The following SLC6A20 variants were observed in gnomAD, a reference collection of about 807,000 sequenced individuals.
SLC6A20 encodes sodium- and chloride-dependent transporter XTRP3.
Under a neutral mutation model 64.3 loss-of-function variants are expected in SLC6A20, and 73 were observed. The ratio of observed to expected loss-of-function variants is 1.14; its 90% CI spans 0.94 to 1.38. The LOEUF is 1.38. Among genes scored for constraint, SLC6A20 ranks in the 40% most tolerant of loss-of-function variants. The pLI, the probability that SLC6A20 is intolerant of heterozygous loss-of-function variation, is 0.00. For synonymous variants in SLC6A20, 347 were observed against 329.6 expected (o/e 1.05, Z -0.57); for missense variants, 725 against 772.8 (o/e 0.94, Z 0.73).
Position 45,773,637 on chromosome 3 carries a change from GTCTC to G in SLC6A20, c.583-1026_583-1023del, listed in dbSNP as rs1699914986. On this transcript the variant is annotated intron_variant, in intron 4 of 10. Transcript: ENST00000358525. ...GTGTAAGAGTTCCCTTAAAGTTTGA[GTCTC>G]TCTGTGAGAAATATGGCTGGTGGCC... Among the ~76,000 whole-genome samples, 3 of 152,164 alleles carry G rather than the reference GTCTC, an allele frequency of 2.0e-5. No individual in the cohort carries two copies. In the South Asian group the frequency reaches 6.2e-4, roughly 32 times the overall value.
intron 9 of SLC6A20, among the ~76,000 whole-genome samples, chr3:45,761,947 C>G (rs1211102343): frequency 6.6e-6 from 1 of 152,154 alleles, no homozygotes; most frequent in African/African-American, 2.4e-5. Context: ...ATGCCTGCCT[C>G]CCAGAGTGTT....
intron 5 of SLC6A20, 114 bp downstream of exon 5, chr3:45,772,391 G>C: frequency 1.1e-6 from 1 of 916,832 alleles, no homozygotes; most frequent in Non-Finnish European, 1.6e-6. Context: ...GCTCACATCA[G>C]CTTCCGTAGG....
Position 45,758,833 on chromosome 3 carries a change from T to C in SLC6A20, c.*145A>G. On this transcript the variant is annotated 3_prime_UTR_variant, in exon 11 of 11. Coordinates refer to ENST00000358525, the MANE Select transcript of SLC6A20 (RefSeq NM_020208.4). ...GTGCGTTCTCCCAAGGGAGTTTTCTTCCTGCACACCTTCCTCATCTTCTTT... is the reference window on the plus strand; with the variant it reads ...GTGCGTTCTCCCAAGGGAGTTTTCTCCCTGCACACCTTCCTCATCTTCTTT... 1.5e-6 allele frequency: 2 copies of C among 1,367,206 alleles called. No homozygotes were observed. Among genetic ancestry groups the C allele is most frequent in the Non-Finnish European group, 1.9e-6 (2 of 1,057,032 alleles). 84.7% of individuals were successfully genotyped at this position (1,367,206 alleles called of 1,614,324 possible). A position where few individuals can be genotyped will look rare whatever the true frequency, so the allele number is the denominator to read the frequency against.
At chr3:45,783,481 G>A (rs1700128609) in intron 1 of SLC6A20, among the ~76,000 whole-genome samples, 2 of 152,196 alleles carry the variant, frequency 1.3e-5, no homozygotes, top group South Asian at 4.1e-4. Flanking sequence ...ACAGACCTTT[G>A]CATCACCCCT....
intron 1 of SLC6A20, among the ~76,000 whole-genome samples, chr3:45,784,423 T>C (rs1020321823): frequency 2.6e-5 from 4 of 152,196 alleles, no homozygotes; most frequent in African/African-American, 9.7e-5. Context: ...GGAGAAAACC[T>C]TTATGAACTT....
chr3:45,771,152 C>A (rs926426575), intron 6 of SLC6A20, 65 bp downstream of exon 6: 35 of 1,604,570 alleles, frequency 2.2e-5, no homozygotes, highest in Admixed American at 1.0e-4. Context: ...CCAGCCCTTG[C>A]CCAGGCGACC....
chr3:45,770,116 C>A, intron 7 of SLC6A20, 93 bp downstream of exon 7: 1 of 1,516,326 alleles, frequency 6.6e-7, no homozygotes, highest in South Asian at 1.3e-5. Context: ...TTTATTTTTA[C>A]AGACCTCGCC....
At chr3:45,785,626 T>TCTCTCTCTCTCTCTCTCTCTCC (rs1700158055) in intron 1 of SLC6A20, among the ~76,000 whole-genome samples, 1 of 151,504 alleles carries the variant, frequency 6.6e-6, no homozygotes, top group African/African-American at 2.4e-5. Flanking sequence ...TCTCTCTCTC[T>TCTCTCTCTCTCTCTCTCTCTCC]CTCTCTCTCT....
rs976558459 is a variant in SLC6A20 at position 45,779,960 on chromosome 3, C to T, written c.354+49G>A. On this transcript the variant is annotated intron_variant, in intron 3 of 10. Coordinates refer to ENST00000358525, the MANE Select transcript of SLC6A20 (RefSeq NM_020208.4). ...CCCGAGCGGGTGGCCCTGTTTTTCT[C>T]TCCCTTTCTCGCTCCTACTCCTGTT... 5 of 1,549,058 alleles carry T rather than the reference C, an allele frequency of 3.2e-6. No individual in the cohort carries two copies. In the Admixed American group the frequency reaches 7.8e-5, roughly 24 times the overall value.
At position 45,756,468 on chromosome 3, in the gene SLC6A20, TCA is replaced by T. The variant is rs1699545002; in HGVS notation, c.*2508_*2509del. ...TTAAATCCATGGGGTACATGCTGGT[TCA>T]TACATTTGAAAGTCAAATGTATGAT... On this transcript the variant is annotated 3_prime_UTR_variant, in exon 11 of 11. Coordinates refer to ENST00000358525, the MANE Select transcript of SLC6A20 (RefSeq NM_020208.4). 1 of 152,202 alleles carries T rather than the reference TCA, an allele frequency of 6.6e-6. No homozygotes were observed. The highest frequency in any genetic ancestry group is 6.5e-5 in the Admixed American group (1 of 15,290). 9.4% of individuals were successfully genotyped at this position (152,202 alleles called of 1,614,324 possible). A position where few individuals can be genotyped will look rare whatever the true frequency, so the allele number is the denominator to read the frequency against.
chr3:45,771,541 G>A, intron 5 of SLC6A20, 83 bp from the exon 6 acceptor site: 3 of 1,578,596 alleles, frequency 1.9e-6, no homozygotes, highest in Non-Finnish European at 2.6e-6. Flanking sequence ...GTAGCCCAGA[G>A]AGGGGAAGGA....
intron 1 of SLC6A20, among the ~76,000 whole-genome samples, chr3:45,787,184 G>A (rs1411205716): frequency 1.3e-5 from 2 of 152,130 alleles, no homozygotes; most frequent in East Asian, 3.9e-4. Flanking sequence ...TGGGGAACAG[G>A]GCTCCCACCT....
intron 4 of SLC6A20, among the ~76,000 whole-genome samples, chr3:45,775,482 G>C (rs1699949381): frequency 6.6e-6 from 1 of 152,124 alleles, no homozygotes; most frequent in Admixed American, 6.5e-5. Context: ...GTATGGATTT[G>C]GGGCTGACTG....
At position 45,759,865 on chromosome 3, in the gene SLC6A20, C is replaced by A; in HGVS notation, c.1621G>T (p.Ala541Ser). 6.2e-7 allele frequency: 1 copy of A among 1,612,664 alleles called. No homozygotes were observed. The highest frequency in any genetic ancestry group is 8.5e-7 in the Non-Finnish European group (1 of 1,179,380). ...TGTLKYQAWD[A>S]SQGQLVTKDY... ...ACGGAGACAGTAGATACCTGGGAGGCGTCCCAGGCTTGATACTTCAGGGTC... is the reference window on the plus strand; with the variant it reads ...ACGGAGACAGTAGATACCTGGGAGGAGTCCCAGGCTTGATACTTCAGGGTC... The change falls in exon 10 of 11, where the codon GCC (alanine) becomes TCC (serine). Residue 541 changes from alanine to serine, a missense_variant. Coordinates refer to ENST00000358525, the MANE Select transcript of SLC6A20 (RefSeq NM_020208.4).
In SLC6A20 at chr3:45,758,199, G is replaced by A. The variant is rs539712106; in HGVS notation, c.*779C>T. 3.5e-5 allele frequency: 8 copies of A among 228,268 alleles called. No homozygotes were observed. The highest frequency in any genetic ancestry group is 1.7e-3 in the Middle Eastern group (1 of 592). 14.1% of individuals were successfully genotyped at this position (228,268 alleles called of 1,614,324 possible). On this transcript the variant is annotated 3_prime_UTR_variant, in exon 11 of 11. Transcript: ENST00000358525. ...CCCAAGGTGCTAGGATTACAGGCGT[G>A]AGCCACCGTGCCCAGCTGAGATCCA...
At chr3:45,776,185 G>T (rs1699965836) in intron 3 of SLC6A20, among the ~76,000 whole-genome samples, 197 bp from the exon 4 acceptor site, 1 of 152,130 alleles carries the variant, frequency 6.6e-6, no homozygotes, top group South Asian at 2.1e-4. Flanking sequence ...GGCAGGAAGG[G>T]GTTGGAGGAG....
chr3:45,780,729 C>T (rs1203731676), intron 2 of SLC6A20, among the ~76,000 whole-genome samples: 1 of 152,106 alleles, frequency 6.6e-6, no homozygotes, highest in East Asian at 1.9e-4. Flanking sequence ...CTGGCCCACA[C>T]CAGCCCTTGA....
chr3:45,789,425 C>G lies in SLC6A20; in HGVS notation c.121+6874G>C, dbSNP rs575022958. ...AATATAAACGGATCAAATTCCTCCA[C>G]TAAAACATGAGGACCACTGGATTAT... On this transcript the variant is annotated intron_variant, in intron 1 of 10. Coordinates refer to ENST00000358525, the MANE Select transcript of SLC6A20 (RefSeq NM_020208.4). Among the ~76,000 whole-genome samples, 61 of 152,282 alleles carry G rather than the reference C, an allele frequency of 4.0e-4. 1 individual carries two copies. The highest frequency in any genetic ancestry group is 6.8e-3 in the Middle Eastern group (2 of 294).
intron 1 of SLC6A20, among the ~76,000 whole-genome samples, chr3:45,793,481 T>C (rs543121125): frequency 1.7e-3 from 263 of 151,932 alleles, no homozygotes; most frequent in Middle Eastern, 3.4e-3. Flanking sequence ...TTCTTTGAGC[T>C]GCCTTTTATT....
Sources: allele counts gnomAD v4.1 joint callset (sites outside exome capture counted in the v4.1 genomes callset), GRCh38; gene constraint gnomAD v4.1.1; transcripts MANE v1.5; gene names NCBI Gene and HGNC (gene_info 2026-07-23, HGNC 2026-07-21).